Variants in RYR2 observed in about 807,000 individuals in gnomAD.
RYR2 encodes the protein cardiac muscle ryanodine receptor-calcium release channel.
Under a neutral mutation model 601.1 loss-of-function variants are expected in RYR2, and 227 were observed. The observed-to-expected ratio is 0.38, with a 90% CI of 0.34 to 0.42. RYR2 has a LOEUF of 0.42. RYR2 is among the 10% of genes least tolerant of loss of function. RYR2 has a pLI of 1.00. For missense variants in RYR2, 4,646 were observed against 6,156.5 expected (o/e 0.75, Z 8.21); for synonymous variants, 2,223 against 2,175.1 (o/e 1.02, Z -0.61).
intron 80 of RYR2, among the ~76,000 whole-genome samples, chr1:237,755,729 T>C (rs1449496046): frequency 6.6e-6 from 1 of 152,214 alleles, no homozygotes; most frequent in Non-Finnish European, 1.5e-5. Context: ...TTGCATCTCT[T>C]ATTCTTTGGG....
chr1:237,349,559 G>T (rs971794729), intron 3 of RYR2, among the ~76,000 whole-genome samples: 1 of 152,154 alleles, frequency 6.6e-6, no homozygotes, highest in African/African-American at 2.4e-5. Flanking sequence ...TTAATGCCTT[G>T]TGGGGTTTAA....
In RYR2 at chr1:237,791,321, G is replaced by T. The variant is rs1194615935; in HGVS notation, c.13477-108G>T. The T allele has an allele frequency of 8.8e-6, 6 of 685,380 alleles. No individual in the cohort carries two copies. In the African/African-American group the frequency reaches 8.9e-5, roughly 10 times the overall value. The allele number at this position is 685,380 out of a possible 1,614,324, so 42.5% of individuals were successfully genotyped here. A position where few individuals can be genotyped will look rare whatever the true frequency, so the allele number is the denominator to read the frequency against. ...CCAAGAATGGTGCTTGAAACAGTAG[G>T]CTTGCGATCAATTGTTTGGGGTAAA... On this transcript the variant is annotated intron_variant, in intron 92 of 104. Transcript: ENST00000366574.
At chr1:237,360,473 CATTT>C (rs909202097) in intron 4 of RYR2, among the ~76,000 whole-genome samples, 15 of 152,148 alleles carry the variant, frequency 9.9e-5, no homozygotes, top group African/African-American at 3.6e-4. Context: ...TTATCGGAAT[CATTT>C]ATTTTTCTTT....
intron 3 of RYR2, among the ~76,000 whole-genome samples, chr1:237,336,167 G>T (rs1045507576): frequency 9.9e-5 from 15 of 152,062 alleles, no homozygotes; most frequent in Non-Finnish European, 2.1e-4. Context: ...GGAACTTGTT[G>T]TTCCTTTACA....
At chr1:237,459,980 C>A (rs1659287146) in intron 16 of RYR2, among the ~76,000 whole-genome samples, 1 of 152,178 alleles carries the variant, frequency 6.6e-6, no homozygotes, top group Non-Finnish European at 1.5e-5. Flanking sequence ...CAAACCCAAA[C>A]TGGCTTCAAA....
At chr1:237,775,158 G>A (rs764651310) in intron 87 of RYR2, among the ~76,000 whole-genome samples, 5 of 150,010 alleles carry the variant, frequency 3.3e-5, no homozygotes, top group African/African-American at 7.4e-5. Context: ...AATAACAATC[G>A]TATCTGAAAT....
chr1:237,644,780 C>G (rs948896203), intron 48 of RYR2, among the ~76,000 whole-genome samples: 1 of 152,002 alleles, frequency 6.6e-6, no homozygotes, highest in Non-Finnish European at 1.5e-5. Flanking sequence ...GCCTGTAATC[C>G]TAGCACTTTG....
At chr1:237,748,825 G>T (rs1449922719) in intron 80 of RYR2, among the ~76,000 whole-genome samples, 1 of 152,000 alleles carries the variant, frequency 6.6e-6, no homozygotes, top group Non-Finnish European at 1.5e-5. Flanking sequence ...TTAAATATTC[G>T]AAAAAATATT....
chr1:237,283,154 T>C (rs1336380495), intron 2 of RYR2, among the ~76,000 whole-genome samples: 1 of 152,212 alleles, frequency 6.6e-6, no homozygotes, highest in Non-Finnish European at 1.5e-5. Context: ...CTCTTCATTG[T>C]TTAGGTATCT....
chr1:237,323,874 G>A (rs1695886020), intron 2 of RYR2, among the ~76,000 whole-genome samples: 1 of 152,180 alleles, frequency 6.6e-6, no homozygotes, highest in Non-Finnish European at 1.5e-5. Context: ...TCATTTGTTA[G>A]GATCACATTT....
At chr1:237,795,436 C>CTATT in intron 96 of RYR2, 105 bp downstream of exon 96, 1 of 573,540 alleles carries the variant, frequency 1.7e-6, no homozygotes, top group East Asian at 3.5e-5. Flanking sequence ...ATTTATCTGC[C>CTATT]TATTAATGTC....
rs78183643 is a variant in RYR2 at position 237,054,315 on chromosome 1, C to T, written c.48+11746C>T. 6.5e-4 allele frequency among the ~76,000 whole-genome samples: 92 copies of T among 140,998 alleles called. 1 individual carries two copies. In the East Asian group the frequency reaches 0.016, roughly 25 times the overall value. 92.5% of individuals were successfully genotyped at this position (140,998 alleles called of 152,430 possible). A position where few individuals can be genotyped will look rare whatever the true frequency, so the allele number is the denominator to read the frequency against. On this transcript the variant is annotated intron_variant, in intron 1 of 104. Coordinates refer to ENST00000366574, the MANE Select transcript of RYR2 (RefSeq NM_001035.3). ...CCTTCCTCCTTCCTCCCTCTTCTCC[C>T]CTCCCCGCCTCCCCCCTCCCCCCCT... is the stretch of plus-strand genomic sequence containing the variant.
chr1:237,108,257 C>T (rs767575666), intron 1 of RYR2, among the ~76,000 whole-genome samples: 12 of 152,310 alleles, frequency 7.9e-5, no homozygotes, highest in Non-Finnish European at 1.6e-4. Flanking sequence ...TGTGAGGCTA[C>T]ACCTGTTGGA....
chr1:237,090,856 G>A (rs916315436), intron 1 of RYR2, among the ~76,000 whole-genome samples: 4 of 152,168 alleles, frequency 2.6e-5, no homozygotes, highest in African/African-American at 9.7e-5. Flanking sequence ...TTGAGAAGAA[G>A]GTTGGCATGA....
intron 12 of RYR2, among the ~76,000 whole-genome samples, chr1:237,439,732 A>C (rs1707727418): frequency 6.6e-6 from 1 of 152,256 alleles, no homozygotes; most frequent in East Asian, 1.9e-4. Flanking sequence ...AATACAAAGA[A>C]AGCATAATTT....
chr1:237,585,742 T>C (rs1347392049), intron 29 of RYR2, among the ~76,000 whole-genome samples: 1 of 152,210 alleles, frequency 6.6e-6, no homozygotes, highest in African/African-American at 2.4e-5. Context: ...AATATGCTAG[T>C]TTCTACCTGT....
At chr1:237,720,461 A>T (rs1250374366) in intron 73 of RYR2, among the ~76,000 whole-genome samples, 1 of 152,256 alleles carries the variant, frequency 6.6e-6, no homozygotes, top group African/African-American at 2.4e-5. Context: ...TTTACTAACA[A>T]TTCTTTTAGA....
At chr1:237,600,818 A>C (rs146797607) in intron 34 of RYR2, among the ~76,000 whole-genome samples, 2 of 152,222 alleles carry the variant, frequency 1.3e-5, no homozygotes, top group African/African-American at 4.8e-5. Context: ...AAGGCATACA[A>C]ATGGCCAACA....
intron 2 of RYR2, among the ~76,000 whole-genome samples, chr1:237,293,502 C>T (rs527356923): frequency 3.2e-4 from 48 of 152,290 alleles, no homozygotes; most frequent in Non-Finnish European, 5.0e-4. Context: ...CCACCGCACC[C>T]GGCCTGCCCC....
Sources: allele counts gnomAD v4.1 joint callset (sites outside exome capture counted in the v4.1 genomes callset), GRCh38; gene constraint gnomAD v4.1.1; transcripts MANE v1.5; gene names NCBI Gene and HGNC (gene_info 2026-07-23, HGNC 2026-07-21).